The following FER1L6 variants were observed in gnomAD, a reference collection of about 807,000 sequenced individuals.
The protein encoded by FER1L6 is fer-1-like protein 6.
Under a neutral mutation model 219.2 loss-of-function variants are expected in FER1L6, and 177 were observed. That is an observed-to-expected ratio of 0.81 (90% confidence interval 0.71 to 0.91). FER1L6 has a LOEUF of 0.91. Among genes scored for constraint, FER1L6 ranks in the 40% least tolerant of loss-of-function variants. FER1L6 has a pLI of 0.00. For synonymous variants in FER1L6, 768 were observed against 824.3 expected, an observed-to-expected ratio of 0.93 and a Z score of 1.17; for missense variants, 2,153 against 2,259.9, an observed-to-expected ratio of 0.95 and a Z score of 0.96.
intron 1 of FER1L6, among the ~76,000 whole-genome samples, chr8:123,940,544 G>C (rs1473855442): frequency 1.3e-5 from 2 of 152,084 alleles, no homozygotes; most frequent in Non-Finnish European, 2.9e-5. Context: ...TGCCATGTTG[G>C]CCAGGCTGGT....
intron 1 of FER1L6, among the ~76,000 whole-genome samples, chr8:123,874,608 G>A (rs1816973423): frequency 6.6e-6 from 1 of 152,160 alleles, no homozygotes; most frequent in South Asian, 2.1e-4. Context: ...CATCTGTAAT[G>A]TATCATACAC....
intron 21 of FER1L6, chr8:124,047,426 C>A (rs938796259): frequency 6.6e-6 from 1 of 152,172 alleles, no homozygotes; most frequent in African/African-American, 2.4e-5. Flanking sequence ...GTGCCCAATA[C>A]GTAGTAATGA....
Position 124,013,465 on chromosome 8 carries a change from A to G in FER1L6, c.1856A>G (p.Lys619Arg). 1 of 1,610,448 alleles carries G rather than the reference A, an allele frequency of 6.2e-7. No homozygotes were observed. Among genetic ancestry groups the G allele is most frequent in the Non-Finnish European group, 8.5e-7 (1 of 1,179,056 alleles). ...ESIEEVRELI[K>R]ISQEAPEEKM... is the part of the protein sequence containing the mutation. ...ATAGAAGAAGTGAGAGAATTGATCA[A>G]GATTTCACAGGAGGCACCTGAAGAG... The change falls in exon 15 of 41, where the codon AAG (lysine) becomes AGG (arginine). Residue 619 changes from lysine to arginine, a missense_variant. Transcript: ENST00000522917.
At chr8:124,066,371 A>C in intron 26 of FER1L6, 57 bp from the exon 27 acceptor site, 1 of 1,581,634 alleles carries the variant, frequency 6.3e-7, no homozygotes, top group Non-Finnish European at 8.6e-7. Flanking sequence ...CCAGTTGACC[A>C]TCAGCATGCA....
intron 10 of FER1L6, among the ~76,000 whole-genome samples, chr8:123,980,210 T>C (rs140347996): frequency 6.6e-4 from 100 of 152,254 alleles, no homozygotes; most frequent in Non-Finnish European, 1.0e-3. Flanking sequence ...CAATAAACAT[T>C]TGATGAATAA....
Position 124,023,614 on chromosome 8 carries a change from T to C in FER1L6, c.2286+18T>C, listed in dbSNP as rs140194344. 8.0e-3 allele frequency: 12,974 copies of C among 1,612,086 alleles called. 72 individuals are homozygous for C. The highest frequency in any genetic ancestry group is 0.021 in the Middle Eastern group (126 of 6,000). On this transcript the variant is annotated intron_variant, in intron 18 of 40. Transcript: ENST00000522917. ...TCCTCAAAGTAAGTGTGCAGTATTT[T>C]AACTAAAAGAAGGGAGATTTCTGTT...
rs1043332876 is a variant in FER1L6 at position 123,863,008 on chromosome 8, T to C, written c.-8+10823T>C. 4.6e-4 allele frequency among the ~76,000 whole-genome samples: 63 copies of C among 138,144 alleles called. 2 individuals are homozygous for C. Among genetic ancestry groups the C allele is most frequent in the Non-Finnish European group, 7.7e-4 (51 of 66,268 alleles). 90.6% of individuals were successfully genotyped at this position (138,144 alleles called of 152,430 possible). On this transcript the variant is annotated intron_variant, in intron 1 of 40. Coordinates refer to ENST00000522917, the MANE Select transcript of FER1L6 (RefSeq NM_001039112.2). The stretch of plus-strand genomic sequence containing the variant: ...GTTCTGCTCAGATTTTAGTTATTTC[T>C]TGCCTTCTGCTAGCTTTTGAATGTG...
At chr8:124,062,120 T>G (rs1264082006) in intron 25 of FER1L6, 88 bp downstream of exon 25, 4 of 1,410,926 alleles carry the variant, frequency 2.8e-6, no homozygotes. Flanking sequence ...TCAAAGAGGA[T>G]GCCCCACAGC....
intron 18 of FER1L6, among the ~76,000 whole-genome samples, chr8:124,024,738 G>C (rs774321364): frequency 6.6e-6 from 1 of 152,112 alleles, no homozygotes; most frequent in Non-Finnish European, 1.5e-5. Flanking sequence ...GGGATTGCTG[G>C]GTTGAATGGT....
rs1198737646 is a variant in FER1L6, at chr8:124,023,439, C to T, written c.2134-5C>T. 3 of 1,612,880 alleles carry T rather than the reference C, an allele frequency of 1.9e-6. No individual in the cohort carries two copies. Among genetic ancestry groups the T allele is most frequent in the Non-Finnish European group, 1.7e-6 (2 of 1,179,232 alleles). On this transcript the variant is annotated splice_polypyrimidine_tract_variant and splice_region_variant and intron_variant, in intron 17 of 40. Transcript: ENST00000522917. Reference sequence around the variant, plus strand: ...ATTCAATCCCAACTCCCTCTATTCCCACAGCCCCAGCACACTATCCCTGAC... The same window carrying T: ...ATTCAATCCCAACTCCCTCTATTCCTACAGCCCCAGCACACTATCCCTGAC...
chr8:123,954,681 T>C (rs1194160477), intron 1 of FER1L6, among the ~76,000 whole-genome samples: 1 of 152,148 alleles, frequency 6.6e-6, no homozygotes, highest in Non-Finnish European at 1.5e-5. Context: ...AAGTGACCTG[T>C]TCAAAGTTGC....
Position 123,976,060 on chromosome 8 carries a change from G to A in FER1L6, c.846G>A (p.Val282=). 2 of 1,613,450 alleles carry A rather than the reference G, an allele frequency of 1.2e-6. No individual in the cohort carries two copies. Among genetic ancestry groups the A allele is most frequent in the Non-Finnish European group, 1.7e-6 (2 of 1,179,766 alleles). ...GDSKDLVDPF[V]EVSFAGQMGR... ...GTAAGGACCTGGTGGATCCCTTTGT[G>A]GAGGTCTCCTTTGCTGGGCAGATGG... is the stretch of plus-strand genomic sequence containing the variant. The change falls in exon 9 of 41, where the codon GTG becomes GTA. Residue 282 remains valine (V), a synonymous_variant. Coordinates refer to ENST00000522917, the MANE Select transcript of FER1L6 (RefSeq NM_001039112.2).
At chr8:123,972,738 A>G (rs558069386) in intron 6 of FER1L6, among the ~76,000 whole-genome samples, 1 of 152,194 alleles carries the variant, frequency 6.6e-6, no homozygotes, top group Non-Finnish European at 1.5e-5. Flanking sequence ...TTCAGTTGCC[A>G]TTGCCCTTTC....
rs755602516 is a variant in FER1L6, at chr8:124,097,899, A to G, written c.4883+16A>G. On this transcript the variant is annotated intron_variant, in intron 37 of 40. Transcript: ENST00000522917. ...ATGTGAAAGGGTAAGGTTATCAACA[A>G]ACTCCAACCTCCCATTTCCTTCCCT... 7.8e-7 allele frequency: 1 copy of G among 1,289,246 alleles called. No individual in the cohort carries two copies. The highest frequency in any genetic ancestry group is 1.1e-6 in the Non-Finnish European group (1 of 883,790). 79.9% of individuals were successfully genotyped at this position (1,289,246 alleles called of 1,614,324 possible).
At chr8:123,933,738 A>G (rs973384138) in intron 1 of FER1L6, among the ~76,000 whole-genome samples, 1 of 152,234 alleles carries the variant, frequency 6.6e-6, no homozygotes, top group Non-Finnish European at 1.5e-5. Context: ...TCTAGAACCA[A>G]GGCACTGTGG....
chr8:123,933,046 G>A (rs1351960066), intron 1 of FER1L6, among the ~76,000 whole-genome samples: 1 of 152,196 alleles, frequency 6.6e-6, no homozygotes, highest in Non-Finnish European at 1.5e-5. Flanking sequence ...GATTGAATCA[G>A]TGCCTTCCCC....
chr8:123,913,332 TCA>T (rs149108573), intron 1 of FER1L6, among the ~76,000 whole-genome samples: 1 of 151,956 alleles, frequency 6.6e-6, no homozygotes, highest in South Asian at 2.1e-4. Context: ...AATAATTTAT[TCA>T]CACACACACA....
chr8:123,987,031 C>T (rs1438715705), intron 12 of FER1L6, among the ~76,000 whole-genome samples: 1 of 152,160 alleles, frequency 6.6e-6, no homozygotes, highest in Admixed American at 6.5e-5. Flanking sequence ...TGGATATACA[C>T]CCAACAGTGG....
chr8:124,025,561 T>G (rs1014505764), intron 18 of FER1L6, among the ~76,000 whole-genome samples: 1 of 152,208 alleles, frequency 6.6e-6, no homozygotes, highest in Admixed American at 6.5e-5. Flanking sequence ...AGCAGTACCA[T>G]GTTGTTTTGG....
Sources: allele counts gnomAD v4.1 joint callset (sites outside exome capture counted in the v4.1 genomes callset), GRCh38; gene constraint gnomAD v4.1.1; transcripts MANE v1.5; gene names NCBI Gene and HGNC (gene_info 2026-07-23, HGNC 2026-07-21).